The following ATXN10 variants were observed in gnomAD, a reference collection of about 807,000 sequenced individuals.
The protein encoded by ATXN10 is ataxin 10, also known as ataxin-10.
A neutral mutation model predicts 52.9 loss-of-function variants in ATXN10; 28 were observed. The observed-to-expected ratio is 0.53, with a 90% CI of 0.39 to 0.73. ATXN10 has a LOEUF of 0.73. ATXN10 is among the 30% of genes least tolerant of loss of function. The pLI is 0.00. For synonymous variants in ATXN10, 226 were observed against 221.5 expected, an observed-to-expected ratio of 1.02 and a Z score of -0.18; for missense variants, 565 against 577.0, an observed-to-expected ratio of 0.98 and a Z score of 0.21.
chr22:45,755,631 G>A (rs1441817966), intron 9 of ATXN10, among the ~76,000 whole-genome samples: 1 of 152,122 alleles, frequency 6.6e-6, no homozygotes, highest in Non-Finnish European at 1.5e-5. Flanking sequence ...TGGGGGAAAG[G>A]TATTATTAAC....
At position 45,754,971 on chromosome 22, in the gene ATXN10, C is replaced by T. The variant is rs933751594; in HGVS notation, c.1173+14433C>T. 1.3e-5 allele frequency among the ~76,000 whole-genome samples: 2 copies of T among 152,220 alleles called. No individual in the cohort carries two copies. The highest frequency in any genetic ancestry group is 2.4e-5 in the African/African-American group (1 of 41,458). ...CTGTTCCTTCTCTGCCTGTGAGCTG[C>T]GAGACCGTCCCTCAACACACAGGAC... On this transcript the variant is annotated intron_variant, in intron 9 of 11. Coordinates refer to ENST00000252934, the MANE Select transcript of ATXN10 (RefSeq NM_013236.4). The surrounding 1 kb of genome is among the most constrained non-coding windows in gnomAD (Gnocchi z 5.4).
At position 45,672,048 on chromosome 22, in the gene ATXN10, A is replaced by G. The variant is rs576839077; in HGVS notation, c.-16A>G. The G allele has an allele frequency of 9.2e-5, 141 of 1,534,478 alleles. No individual in the cohort carries two copies. The highest frequency in any genetic ancestry group is 1.2e-4 in the Non-Finnish European group (133 of 1,144,400). ...TCCTCCTCCTCGTCAGGCTCGACCC[A>G]GCTGTGAGCGGCAAGATGGCGGCGC... On this transcript the variant is annotated 5_prime_UTR_variant, in exon 1 of 12. Coordinates refer to ENST00000252934, the MANE Select transcript of ATXN10 (RefSeq NM_013236.4).
At chr22:45,698,454 T>C (rs1923707551) in intron 3 of ATXN10, among the ~76,000 whole-genome samples, 1 of 152,248 alleles carries the variant, frequency 6.6e-6, no homozygotes, top group African/African-American at 2.4e-5. Flanking sequence ...AGTTTTCAAT[T>C]GGGCTGTTTG....
rs1057473358 is a variant in ATXN10, at chr22:45,729,448, T to C, written c.752T>C (p.Ile251Thr). Residue 251 changes from isoleucine to threonine, a missense_variant, in exon 7 of 12, where the codon ATA becomes ACA. Transcript: ENST00000252934. Reference sequence around the variant, plus strand: ...AGAGTTACACTGTTAGACCTTATGATAGCCAAGATAACGAGTGATGAGCCA... The same window carrying C: ...AGAGTTACACTGTTAGACCTTATGACAGCCAAGATAACGAGTGATGAGCCA... ...QERVTLLDLM[I>T]AKITSDEPLT... The C allele has an allele frequency of 2.5e-6, 4 of 1,614,186 alleles. No individual in the cohort carries two copies. The highest frequency in any genetic ancestry group is 1.6e-4 in the Middle Eastern group (1 of 6,062).
chr22:45,711,534 CCT>C (rs1924250528), intron 5 of ATXN10, among the ~76,000 whole-genome samples: 2 of 152,218 alleles, frequency 1.3e-5, no homozygotes, highest in South Asian at 4.1e-4. Context: ...ACCTGGGAAA[CCT>C]GAGTAAGATC....
At position 45,842,646 on chromosome 22, in the gene ATXN10, G is replaced by A. The variant is rs573559405; in HGVS notation, c.1238-345G>A. On this transcript the variant is annotated intron_variant, in intron 10 of 11. Coordinates refer to ENST00000252934, the MANE Select transcript of ATXN10 (RefSeq NM_013236.4). The surrounding 1 kb of genome is among the most constrained non-coding windows in gnomAD (Gnocchi z 4.8). ...AATGTGTGTGTGTGCACGCACACAC[G>A]TTTGCCTGTGTGTGTGTTCTTGGGT... 3.9e-5 allele frequency among the ~76,000 whole-genome samples: 6 copies of A among 152,084 alleles called. No homozygotes were observed. Among genetic ancestry groups the A allele is most frequent in the South Asian group, 2.1e-4 (1 of 4,820 alleles).
chr22:45,799,010 G>T (rs1927842533), intron 9 of ATXN10, among the ~76,000 whole-genome samples: 1 of 151,392 alleles, frequency 6.6e-6, no homozygotes, highest in South Asian at 2.1e-4. Flanking sequence ...TTAAGTGTTA[G>T]ATCTCCCCAA....
chr22:45,730,082 A>G (rs1394480840), intron 7 of ATXN10, among the ~76,000 whole-genome samples: 1 of 152,156 alleles, frequency 6.6e-6, no homozygotes. Context: ...GGTGCCTCAC[A>G]CCTGTAACCC....
chr22:45,689,764 T>C lies in ATXN10; in HGVS notation c.169T>C (p.Ser57Pro). The change falls in exon 2 of 12, where the codon TCT becomes CCT. Residue 57 changes from serine to proline, a missense_variant. Ser to Pro is a moderately conservative substitution (Grantham distance 74, BLOSUM62 -1). Transcript: ENST00000252934. Reference sequence around the variant, plus strand: ...AAGAGTTCTGGATATCCTAAAGAAATCTTCTCATGCTGTTGAGCTTGCCTG... The same window carrying C: ...AAGAGTTCTGGATATCCTAAAGAAACCTTCTCATGCTGTTGAGCTTGCCTG... ...FQRVLDILKK[S>P]SHAVELACRD... The C allele has an allele frequency of 6.2e-7, 1 of 1,614,168 alleles. No homozygotes were observed. The highest frequency in any genetic ancestry group is 8.5e-7 in the Non-Finnish European group (1 of 1,180,032).
chr22:45,839,717 A>T (rs5765660), intron 10 of ATXN10, among the ~76,000 whole-genome samples: 30,966 of 152,092 alleles, frequency 0.2, 4,188 homozygotes, highest in East Asian at 0.54. Flanking sequence ...CCACTCTTTG[A>T]TCCCATCCAC....
At position 45,738,856 on chromosome 22, in the gene ATXN10, A is replaced by G. The variant is rs750943162; in HGVS notation, c.1003+17A>G. The G allele has an allele frequency of 2.5e-6, 4 of 1,586,084 alleles. No homozygotes were observed. The South Asian group carries it at 4.4e-5, about 18-fold the overall frequency. On this transcript the variant is annotated intron_variant, in intron 8 of 11. Transcript: ENST00000252934. ...GAGTGATTGGTGAGTGAAATATCAC[A>G]CATTGTATTTTTAGCTAAGAAATCT...
At chr22:45,702,902 C>A in intron 5 of ATXN10, 55 bp downstream of exon 5, 2 of 1,605,748 alleles carry the variant, frequency 1.2e-6, no homozygotes, top group South Asian at 1.1e-5. Context: ...AGATCACTTT[C>A]CTTGCAGAGG....
chr22:45,703,968 ACT>A (rs1374964836), intron 5 of ATXN10: 2 of 152,182 alleles, frequency 1.3e-5, no homozygotes, highest in African/African-American at 4.8e-5. Context: ...AGCAGGCAAG[ACT>A]CAGATTAGCC....
Position 45,738,737 on chromosome 22 carries a change from C to T in ATXN10, c.901C>T (p.Leu301=). Residue 301 remains leucine, a synonymous_variant, in exon 8 of 12, where the codon CTG becomes TTG. Coordinates refer to ENST00000252934, the MANE Select transcript of ATXN10 (RefSeq NM_013236.4). ...SEEPPDDEEA[L]ATIRLLDVLC... is the part of the protein sequence containing the mutation. ...TGTTTTCTTTTCTTTCTAGGAGGCA[C>T]TGGCTACAATTAGGCTTCTCGACGT... The T allele has an allele frequency of 1.2e-6, 2 of 1,613,780 alleles. No homozygotes were observed. The highest frequency in any genetic ancestry group is 1.7e-6 in the Non-Finnish European group (2 of 1,179,770).
At chr22:45,796,778 C>T (rs1382877173) in intron 9 of ATXN10, among the ~76,000 whole-genome samples, 6 of 152,240 alleles carry the variant, frequency 3.9e-5, no homozygotes, top group East Asian at 3.9e-4. Flanking sequence ...AGATTACAGG[C>T]GTGAGCCACT....
In ATXN10 at chr22:45,795,411, TTC is replaced by T. The variant is rs1569068113; in HGVS notation, c.1174-11546_1174-11545del. Among the ~76,000 whole-genome samples the T allele has an allele frequency of 0.012, 1,741 of 150,344 alleles. 37 individuals carry two copies. The highest frequency in any genetic ancestry group is 0.037 in the African/African-American group (1,484 of 40,516). On this transcript the variant is annotated intron_variant, in intron 9 of 11. Transcript: ENST00000252934. This position sits in a 1 kb window ranked among gnomAD's most constrained non-coding sequence, Gnocchi z 4.6. ...TTCTATTCTATTCTATTCTATTCTA[TTC>T]TATTCTATTCTTTTTGAGATGAAGT...
rs932933018 is a variant in ATXN10 at position 45,783,818 on chromosome 22, C to T, written c.1174-23141C>T. 1.3e-5 allele frequency among the ~76,000 whole-genome samples: 2 copies of T among 152,186 alleles called. No homozygotes were observed. The highest frequency in any genetic ancestry group is 2.1e-4 in the South Asian group (1 of 4,824). On this transcript the variant is annotated intron_variant, in intron 9 of 11. Transcript: ENST00000252934. This position sits in a 1 kb window ranked among gnomAD's most constrained non-coding sequence, Gnocchi z 5.0. ...GAGAAATAGGTCTTGGAAAAAGGAC[C>T]TGAAAGTGCTGTTGTCATGTTTGTG...
intron 9 of ATXN10, among the ~76,000 whole-genome samples, chr22:45,803,357 A>T (rs1474476524): frequency 1.2e-4 from 18 of 152,038 alleles, no homozygotes; most frequent in Non-Finnish European, 4.4e-5. Flanking sequence ...CCCTGCCCAA[A>T]ACACTCCCAC....
intron 6 of ATXN10, among the ~76,000 whole-genome samples, chr22:45,721,469 C>T (rs932305320): frequency 2.0e-5 from 3 of 152,124 alleles, no homozygotes; most frequent in African/African-American, 7.2e-5. Context: ...ATGGTCACCC[C>T]CGTAAACGTG....
Sources: gnomAD v4.1 joint callset for allele counts (sites outside exome capture counted in the v4.1 genomes callset) on GRCh38, gnomAD v4.1.1 for gene constraint, Gnocchi (gnomAD v3.1) non-coding constraint, MANE v1.5 for transcripts, NCBI Gene and HGNC (gene_info 2026-07-23, HGNC 2026-07-21) for gene names.